Variants in CAMTA1 observed in about 807,000 individuals in gnomAD.
CAMTA1 encodes the protein calmodulin-binding transcription activator 1.
CAMTA1 carries 27 observed loss-of-function variants against 170.9 expected under a neutral mutation model. That is an observed-to-expected ratio of 0.16 (90% confidence interval 0.12 to 0.22). The LOEUF is 0.22. CAMTA1 is among the 10% of genes least tolerant of loss of function. The pLI is 1.00. For synonymous variants in CAMTA1, 833 were observed against 891.5 expected, an observed-to-expected ratio of 0.93 and a Z score of 1.17; for missense variants, 1,619 against 2,217.2, an observed-to-expected ratio of 0.73 and a Z score of 5.42.
intron 3 of CAMTA1, among the ~76,000 whole-genome samples, chr1:6,902,581 T>C (rs751902407): frequency 3.3e-5 from 5 of 152,184 alleles, no homozygotes; most frequent in Non-Finnish European, 7.3e-5. Flanking sequence ...GGGAACTTTT[T>C]GAGGTGATGG....
Position 7,455,640 on chromosome 1 carries a change from C to T in CAMTA1, c.439-12190C>T, listed in dbSNP as rs1364638266. On this transcript the variant is annotated intron_variant, in intron 5 of 22. Coordinates refer to ENST00000303635, the MANE Select transcript of CAMTA1 (RefSeq NM_015215.4). This position sits in a 1 kb window ranked among gnomAD's most constrained non-coding sequence, Gnocchi z 5.0. ...TGCAGCCGCACATGTTGGAGTGTGC[C>T]GTGGATACCTACGTGGCGTCACAGG... 6.6e-6 allele frequency among the ~76,000 whole-genome samples: 1 copy of T among 152,224 alleles called. No individual in the cohort carries two copies. The highest frequency in any genetic ancestry group is 1.5e-5 in the Non-Finnish European group (1 of 68,036).
At chr1:7,604,509 A>C (rs375064533) in intron 6 of CAMTA1, among the ~76,000 whole-genome samples, 48 of 151,940 alleles carry the variant, frequency 3.2e-4, no homozygotes, top group Admixed American at 1.4e-3. Context: ...CATAGTTCTG[A>C]GGCCGTGGTT....
chr1:7,011,767 AC>A (rs1237850461), intron 3 of CAMTA1, among the ~76,000 whole-genome samples: 1 of 152,144 alleles, frequency 6.6e-6, no homozygotes, highest in African/African-American at 2.4e-5. Context: ...CCCACCTGTC[AC>A]TGGTGTGTCC....
rs1455001196 is a variant in CAMTA1 at position 7,111,892 on chromosome 1, A to T, written c.302+20521A>T. On this transcript the variant is annotated intron_variant, in intron 4 of 22. Transcript: ENST00000303635. Reference sequence around the variant, plus strand: ...CGGGCAAGACTCCATCTCCAAAAAAAAAAAAAAAAAAAAAAAAAAACCGAA... The same window carrying T: ...CGGGCAAGACTCCATCTCCAAAAAATAAAAAAAAAAAAAAAAAAAACCGAA... 3.5e-4 allele frequency among the ~76,000 whole-genome samples: 53 copies of T among 150,918 alleles called. No homozygotes were observed. In the East Asian group the frequency reaches 6.4e-3, roughly 18 times the overall value.
At chr1:7,579,452 A>G (rs1276818810) in intron 6 of CAMTA1, among the ~76,000 whole-genome samples, 4 of 151,882 alleles carry the variant, frequency 2.6e-5, no homozygotes, top group Non-Finnish European at 5.9e-5. Context: ...GGAAAAGCTC[A>G]GAGAGTTCAG....
intron 3 of CAMTA1, among the ~76,000 whole-genome samples, chr1:6,834,154 A>AAT (rs1462373244): frequency 1.5e-5 from 2 of 136,616 alleles, no homozygotes; most frequent in Non-Finnish European, 3.2e-5. Flanking sequence ...TATTTGATTA[A>AAT]TTTTTTTTTT....
chr1:7,131,520 T>G (rs1645252012), intron 4 of CAMTA1, among the ~76,000 whole-genome samples: 1 of 149,458 alleles, frequency 6.7e-6, no homozygotes, highest in South Asian at 2.1e-4. Context: ...GGATCGTCTT[T>G]TCTTTTTTTT....
At chr1:7,266,584 G>T (rs1417768216) in intron 5 of CAMTA1, among the ~76,000 whole-genome samples, 13 of 152,328 alleles carry the variant, frequency 8.5e-5, no homozygotes, top group African/African-American at 2.9e-4. Context: ...TTGTGGGAGC[G>T]GGGAAGAAAC....
intron 1 of CAMTA1, among the ~76,000 whole-genome samples, chr1:6,802,827 T>G (rs1644038456): frequency 6.6e-6 from 1 of 152,130 alleles, no homozygotes; most frequent in Non-Finnish European, 1.5e-5. Context: ...CTCGACAGCC[T>G]GGGCTCAAGT....
rs919517687 is a variant in CAMTA1 at position 7,641,724 on chromosome 1, G to A, written c.664+1171G>A. Among the ~76,000 whole-genome samples, 8 of 152,100 alleles carry A rather than the reference G, an allele frequency of 5.3e-5. No homozygotes were observed. Among genetic ancestry groups the A allele is most frequent in the African/African-American group, 9.7e-5 (4 of 41,424 alleles). ...ACAAGACTGAGCTTCCTCACGTGTC[G>A]TCCTTTGAGCCAAGTACCCCGTGGG... On this transcript the variant is annotated intron_variant, in intron 7 of 22. Transcript: ENST00000303635. The surrounding 1 kb of genome is among the most constrained non-coding windows in gnomAD (Gnocchi z 4.5).
intron 3 of CAMTA1, among the ~76,000 whole-genome samples, chr1:6,876,241 C>A (rs961941521): frequency 6.6e-6 from 1 of 151,818 alleles, no homozygotes; most frequent in Non-Finnish European, 1.5e-5. Context: ...TTTTCTCTTT[C>A]TTCCACCATC....
chr1:7,119,162 C>G (rs1644503344), intron 4 of CAMTA1, among the ~76,000 whole-genome samples: 1 of 152,192 alleles, frequency 6.6e-6, no homozygotes, highest in Non-Finnish European at 1.5e-5. Context: ...TTTCTGTGTT[C>G]TCTGAAGACT....
chr1:6,792,781 T>C (rs1285962495), intron 1 of CAMTA1, among the ~76,000 whole-genome samples: 1 of 152,168 alleles, frequency 6.6e-6, no homozygotes, highest in Non-Finnish European at 1.5e-5. Flanking sequence ...GGCTTTCAAG[T>C]CACGTAACAT....
At chr1:7,027,797 G>T (rs989098226) in intron 3 of CAMTA1, among the ~76,000 whole-genome samples, 1 of 152,174 alleles carries the variant, frequency 6.6e-6, no homozygotes, top group Non-Finnish European at 1.5e-5. Context: ...AGTTATGAAG[G>T]TTGGGCATGG....
At chr1:7,530,666 C>T (rs1037213918) in intron 6 of CAMTA1, among the ~76,000 whole-genome samples, 1 of 152,120 alleles carries the variant, frequency 6.6e-6, no homozygotes, top group Non-Finnish European at 1.5e-5. Context: ...TTTGAAGCTG[C>T]ATATGGAGCA....
intron 12 of CAMTA1, among the ~76,000 whole-genome samples, chr1:7,733,938 G>T (rs1292695088): frequency 6.6e-6 from 1 of 152,072 alleles, no homozygotes; most frequent in African/African-American, 2.4e-5. Context: ...TATTATTAAG[G>T]CTAAGATAGG....
At chr1:7,700,342 T>G (rs2096425802) in intron 11 of CAMTA1, among the ~76,000 whole-genome samples, 1 of 152,248 alleles carries the variant, frequency 6.6e-6, no homozygotes, top group Non-Finnish European at 1.5e-5. Context: ...TATTTTCTAT[T>G]TCTTCAAGCC....
intron 11 of CAMTA1, among the ~76,000 whole-genome samples, chr1:7,728,215 G>A (rs547681354): frequency 4.5e-4 from 69 of 152,354 alleles, no homozygotes; most frequent in Admixed American, 2.3e-3. Flanking sequence ...GGGGTTGACC[G>A]GGTGACGCCG....
At chr1:7,134,931 C>T (rs1049539233) in intron 4 of CAMTA1, among the ~76,000 whole-genome samples, 11 of 151,930 alleles carry the variant, frequency 7.2e-5, no homozygotes, top group East Asian at 1.9e-4. Flanking sequence ...CAAATAACCT[C>T]ATTAAAAATG....
Sources: gnomAD v4.1 joint callset for allele counts (sites outside exome capture counted in the v4.1 genomes callset) on GRCh38, gnomAD v4.1.1 for gene constraint, Gnocchi (gnomAD v3.1) non-coding constraint, MANE v1.5 for transcripts, NCBI Gene and HGNC (gene_info 2026-07-23, HGNC 2026-07-21) for gene names.